PTPRC: variants seen among roughly 807,000 people sequenced by gnomAD.
The protein encoded by PTPRC is receptor-type tyrosine-protein phosphatase C.
PTPRC carries 44 observed loss-of-function variants against 155.9 expected under a neutral mutation model. The observed-to-expected ratio is 0.28, with a 90% CI of 0.22 to 0.36. PTPRC has a LOEUF of 0.36. PTPRC is among the 10% of genes least tolerant of loss of function. PTPRC has a pLI of 1.00. For missense variants in PTPRC, 1,401 were observed against 1,564.6 expected (o/e 0.90, Z 1.76); for synonymous variants, 525 against 533.1 (o/e 0.98, Z 0.21).
At chr1:198,719,985 G>A (rs1050706810) in intron 14 of PTPRC, among the ~76,000 whole-genome samples, 9 of 152,152 alleles carry the variant, frequency 5.9e-5, no homozygotes, top group South Asian at 4.2e-4. Flanking sequence ...TGGAAATGTC[G>A]GTTGGATTTT....
rs1652997665 is a variant in PTPRC, at chr1:198,706,761, A to G, written c.713A>G (p.Asp238Gly). The stretch of plus-strand genomic sequence containing the variant: ...GAAAAATATGCAAACATCACTGTGG[A>G]TTACTTATATAACAAGGAAACTAAA... ...CDEKYANITV[D>G]YLYNKETKLF... Residue 238 changes from aspartate (D) to glycine (G), a missense_variant, in exon 9 of 33, where the codon GAT becomes GGT. Asp to Gly is a moderately conservative substitution (Grantham distance 94). Coordinates refer to ENST00000442510, the MANE Select transcript of PTPRC (RefSeq NM_002838.5). The G allele has an allele frequency of 6.2e-7, 1 of 1,611,166 alleles. No individual in the cohort carries two copies. The highest frequency in any genetic ancestry group is 1.7e-5 in the Admixed American group (1 of 59,978).
chr1:198,654,674 T>C (rs1051246637), intron 2 of PTPRC, among the ~76,000 whole-genome samples: 4 of 151,782 alleles, frequency 2.6e-5, no homozygotes, highest in African/African-American at 9.7e-5. Flanking sequence ...TGCTGTCCTT[T>C]ATAAGAGAAT....
chr1:198,744,142 T>A lies in PTPRC; in HGVS notation c.2786T>A (p.Leu929Gln). 6.2e-7 allele frequency: 1 copy of A among 1,606,056 alleles called. No homozygotes were observed. Among genetic ancestry groups the A allele is most frequent in the Non-Finnish European group, 8.5e-7 (1 of 1,173,610 alleles). ...EVNLSELHPY[L>Q]HNMKKRDPPS... Reference sequence around the variant, plus strand: ...AATTTGTCTGAATTACATCCATATCTACATAACATGAAGAAAAGGGATCCA... The same window carrying A: ...AATTTGTCTGAATTACATCCATATCAACATAACATGAAGAAAAGGGATCCA... Residue 929 changes from leucine to glutamine, a missense_variant, in exon 26 of 33, where the codon CTA (leucine) becomes CAA (glutamine). Around this residue, in one of 3 missense-constraint regions of PTPRC, gnomAD observed 134 missense variants for 204.7 expected, o/e 0.65. Transcript: ENST00000442510.
chr1:198,696,407 C>A (rs1666206291), intron 3 of PTPRC, among the ~76,000 whole-genome samples: 1 of 151,936 alleles, frequency 6.6e-6, no homozygotes, highest in Admixed American at 6.5e-5. Context: ...CTTTCAATTT[C>A]ATTTCCCCAT....
At chr1:198,680,506 G>A (rs891077505) in intron 2 of PTPRC, among the ~76,000 whole-genome samples, 3 of 151,864 alleles carry the variant, frequency 2.0e-5, no homozygotes, top group African/African-American at 4.8e-5. Context: ...GAGGAATGAT[G>A]TAAAGTTATA....
chr1:198,725,055 G>T (rs1654069463), intron 15 of PTPRC, among the ~76,000 whole-genome samples: 4 of 152,082 alleles, frequency 2.6e-5, no homozygotes, highest in African/African-American at 9.7e-5. Context: ...ACCTGCCTTG[G>T]CCTCCCAAAG....
chr1:198,723,100 T>C (rs1017981345), intron 15 of PTPRC, among the ~76,000 whole-genome samples: 5 of 138,640 alleles, frequency 3.6e-5, no homozygotes, highest in African/African-American at 1.3e-4. Context: ...TGGGTCTCCT[T>C]ATAGTTTCCT....
Position 198,642,990 on chromosome 1 carries a change from A to G in PTPRC, c.73+3649A>G, listed in dbSNP as rs1425722818. ...TTTCTTTTTTCTTTCTTTTTCTTCT[A>G]TGATTGATTAAAAGAAAACAAACAG... On this transcript the variant is annotated intron_variant, in intron 2 of 32. Coordinates refer to ENST00000442510, the MANE Select transcript of PTPRC (RefSeq NM_002838.5). Among the ~76,000 whole-genome samples the G allele has an allele frequency of 8.5e-5, 7 of 82,498 alleles. No homozygotes were observed. The East Asian group carries it at 1.5e-3, about 17-fold the overall frequency. The allele number at this position is 82,498 out of a possible 152,430, so 54.1% of individuals were successfully genotyped here. A position where few individuals can be genotyped will look rare whatever the true frequency, so the allele number is the denominator to read the frequency against.
intron 29 of PTPRC, among the ~76,000 whole-genome samples, chr1:198,751,099 A>AACTT (rs906101901): frequency 2.0e-5 from 3 of 151,918 alleles, no homozygotes; most frequent in African/African-American, 7.2e-5. Context: ...ACTGAGTCTA[A>AACTT]ACTTATTGAT....
At chr1:198,712,701 GA>G in intron 11 of PTPRC, 1 of 481,350 alleles carries the variant, frequency 2.1e-6, no homozygotes. Context: ...ATGAAAGGAA[GA>G]GGGGGTTCTT....
rs1654196859 is a variant in PTPRC, at chr1:198,727,569, G to A, written c.1721-771G>A. 2.6e-5 allele frequency among the ~76,000 whole-genome samples: 4 copies of A among 152,194 alleles called. No individual in the cohort carries two copies. In the South Asian group the frequency reaches 8.3e-4, roughly 32 times the overall value. On this transcript the variant is annotated intron_variant, in intron 15 of 32. Transcript: ENST00000442510. ...CATTTTAGGATTTTGGGAAAGGAGG[G>A]ACAAAGATAATAAGGAATCTGGCCA...
rs563747256 is a variant in PTPRC, at chr1:198,697,807, G to C, written c.298+898G>C. ...TATATAATACCATCACAGAAATTTT[G>C]TTTAGGGTACATCAAAGTATTTTGA... On this transcript the variant is annotated intron_variant, in intron 4 of 32. Coordinates refer to ENST00000442510, the MANE Select transcript of PTPRC (RefSeq NM_002838.5). 3.3e-5 allele frequency among the ~76,000 whole-genome samples: 5 copies of C among 152,274 alleles called. No homozygotes were observed. The South Asian group carries it at 1.0e-3, about 32-fold the overall frequency.
At chr1:198,726,295 G>A (rs1654130606) in intron 15 of PTPRC, among the ~76,000 whole-genome samples, 1 of 152,122 alleles carries the variant, frequency 6.6e-6, no homozygotes, top group South Asian at 2.1e-4. Context: ...GACAATTTCA[G>A]TGAAAGGAAT....
rs1455506208 is a variant in PTPRC, at chr1:198,735,114, T to C, written c.2278-13T>C. On this transcript the variant is annotated splice_polypyrimidine_tract_variant and intron_variant, in intron 22 of 32. Transcript: ENST00000442510. ...TTAAAAATTAAAATACTTAATAATTTTTTAAAATGTAGAACAAGTGTGCAG... is the reference window on the plus strand; with the variant it reads ...TTAAAAATTAAAATACTTAATAATTCTTTAAAATGTAGAACAAGTGTGCAG... 6.4e-7 allele frequency: 1 copy of C among 1,572,908 alleles called. No individual in the cohort carries two copies. Among genetic ancestry groups the C allele is most frequent in the Non-Finnish European group, 8.6e-7 (1 of 1,157,986 alleles).
At position 198,756,014 on chromosome 1, in the gene PTPRC, G is replaced by T; in HGVS notation, c.3754G>T (p.Val1252Leu). The T allele has an allele frequency of 1.2e-6, 2 of 1,613,424 alleles. No individual in the cohort carries two copies. Among genetic ancestry groups the T allele is most frequent in the South Asian group, 2.2e-5 (2 of 91,064 alleles). ...QEDKIEFDNE[V>L]DKVKQDANCV... ...AGATAAAATTGAATTTGATAATGAA[G>T]TGGACAAAGTAAAGCAGGATGCTAA... is the stretch of plus-strand genomic sequence containing the variant. The change falls in exon 33 of 33, where the codon GTG (valine) becomes TTG (leucine). Residue 1252 changes from valine (V) to leucine (L), a missense_variant. By Grantham distance (32) the Val-to-Leu change is conservative. Transcript: ENST00000442510.
At position 198,702,492 on chromosome 1, in the gene PTPRC, C is replaced by A. The variant is rs527641821; in HGVS notation, c.545C>A (p.Ala182Glu). The A allele has an allele frequency of 1.3e-4, 211 of 1,614,222 alleles. 2 individuals carry two copies. In the South Asian group the frequency reaches 1.9e-3, roughly 15 times the overall value. ...CACCACAGCTCTGCTGCCTTACCTG[C>A]ACGCACCTCCAACACCACCATCACA... ...LAHHSSAALP[A>E]RTSNTTITAN... The change falls in exon 6 of 33, where the codon GCA becomes GAA. Residue 182 changes from alanine (A) to glutamate (E), a missense_variant. Around this residue, in one of 3 missense-constraint regions of PTPRC, gnomAD observed 867 missense variants for 970.4 expected, o/e 0.89. Transcript: ENST00000442510.
At chr1:198,642,800 C>T (rs1293195321) in intron 2 of PTPRC, among the ~76,000 whole-genome samples, 1 of 151,696 alleles carries the variant, frequency 6.6e-6, no homozygotes, top group Non-Finnish European at 1.5e-5. Flanking sequence ...TTCTCATTGC[C>T]TTTGGTATAA....
In PTPRC at chr1:198,699,619, C is replaced by G. The variant is rs761327157; in HGVS notation, c.354C>G (p.Pro118=). 6.2e-7 allele frequency: 1 copy of G among 1,614,200 alleles called. No homozygotes were observed. The highest frequency in any genetic ancestry group is 2.2e-5 in the East Asian group (1 of 44,880). ...CCACGCACGCAGACTCGCAGACGCC[C>G]TCTGCTGGAACTGACACGCAGACAT... ...HLPTHADSQT[P]SAGTDTQTFS... is the part of the protein sequence containing the mutation. The change falls in exon 5 of 33, where the codon CCC becomes CCG. Residue 118 remains proline (P), a synonymous_variant. Coordinates refer to ENST00000442510, the MANE Select transcript of PTPRC (RefSeq NM_002838.5).
chr1:198,694,728 C>T, intron 3 of PTPRC: 1 of 966,850 alleles, frequency 1.0e-6, no homozygotes, highest in Non-Finnish European at 1.2e-6. Context: ...TCCTCCCTCC[C>T]TTCTTTCCTA....
Sources: allele counts gnomAD v4.1 joint callset (sites outside exome capture counted in the v4.1 genomes callset), GRCh38; gene constraint gnomAD v4.1.1; regional missense constraint gnomAD v4.1.1; transcripts MANE v1.5; gene names NCBI Gene and HGNC (gene_info 2026-07-23, HGNC 2026-07-21).